CTIF: variants seen among roughly 807,000 people sequenced by gnomAD.
CTIF encodes the protein cap binding complex dependent translation initiation factor.
Under a neutral mutation model 66.0 loss-of-function variants are expected in CTIF, and 21 were observed. The ratio of observed to expected loss-of-function variants is 0.32; its 90% CI spans 0.23 to 0.46. The LOEUF is 0.46. Among genes scored for constraint, CTIF ranks in the 20% least tolerant of loss-of-function variants. The pLI is 1.00. For missense variants in CTIF, 739 were observed against 812.7 expected, an observed-to-expected ratio of 0.91 and a Z score of 1.10; for synonymous variants, 345 against 326.4, an observed-to-expected ratio of 1.06 and a Z score of -0.62.
intron 9 of CTIF, among the ~76,000 whole-genome samples, chr18:48,772,211 A>G (rs2046241): frequency 0.55 from 84,119 of 152,116 alleles, 23,476 homozygotes; most frequent in East Asian, 0.75. Context: ...TTATAGCAAG[A>G]AGAGAGCTAA....
intron 6 of CTIF, among the ~76,000 whole-genome samples, chr18:48,694,750 A>G (rs1317956455): frequency 1.3e-5 from 2 of 152,278 alleles, no homozygotes; most frequent in East Asian, 3.8e-4. Flanking sequence ...CACTATAGTC[A>G]GAGAGAATGG....
At chr18:48,799,390 TG>T (rs1269357555) in intron 9 of CTIF, among the ~76,000 whole-genome samples, 1 of 152,180 alleles carries the variant, frequency 6.6e-6, no homozygotes, top group Non-Finnish European at 1.5e-5. Flanking sequence ...GATGGATTTC[TG>T]GTCTTTCACT....
intron 6 of CTIF, among the ~76,000 whole-genome samples, chr18:48,686,546 T>A (rs2091843225): frequency 6.6e-6 from 1 of 152,150 alleles, no homozygotes; most frequent in South Asian, 2.1e-4. Flanking sequence ...GTTTTTTTAC[T>A]CTCTCCTCCC....
At chr18:48,674,867 C>T (rs1234826201) in intron 6 of CTIF, among the ~76,000 whole-genome samples, 2 of 152,292 alleles carry the variant, frequency 1.3e-5, no homozygotes, top group Non-Finnish European at 2.9e-5. Context: ...TTAACTGTCC[C>T]CAAGGTCTTC....
intron 1 of CTIF, among the ~76,000 whole-genome samples, chr18:48,612,924 GGGT>G (rs1167442356): frequency 1.3e-5 from 2 of 152,192 alleles, no homozygotes; most frequent in Non-Finnish European, 2.9e-5. Flanking sequence ...GGTGTCAGAA[GGGT>G]GTGCTGCTGG....
chr18:48,615,255 G>A lies in CTIF; in HGVS notation c.-28-4283G>A, dbSNP rs761031424. The stretch of plus-strand genomic sequence containing the variant: ...ATAAAAAATTGGGGGCCTAAGTGCC[G>A]GGCTGTACTTCCAGGCTGAGAGCTG... On this transcript the variant is annotated intron_variant, in intron 1 of 11. Coordinates refer to ENST00000256413, the MANE Select transcript of CTIF (RefSeq NM_014772.3). Among the ~76,000 whole-genome samples the A allele has an allele frequency of 8.5e-5, 13 of 152,284 alleles. No homozygotes were observed. The South Asian group carries it at 1.7e-3, about 19-fold the overall frequency.
intron 9 of CTIF, among the ~76,000 whole-genome samples, chr18:48,764,054 C>G (rs772568211): frequency 3.3e-5 from 5 of 152,040 alleles, no homozygotes; most frequent in Non-Finnish European, 7.4e-5. Flanking sequence ...CCCAGTACAC[C>G]CTGCATGGAC....
In CTIF at chr18:48,860,044, C is replaced by T. The variant is rs566664369; in HGVS notation, c.*485C>T. ...GCCGCAGTCGCCAACTGGCAGCAGGCGACGTGTAGCAGATGTCCGGGAGGA... is the reference window on the plus strand; with the variant it reads ...GCCGCAGTCGCCAACTGGCAGCAGGTGACGTGTAGCAGATGTCCGGGAGGA... On this transcript the variant is annotated 3_prime_UTR_variant, in exon 12 of 12. Coordinates refer to ENST00000256413, the MANE Select transcript of CTIF (RefSeq NM_014772.3). 7 of 429,764 alleles carry T rather than the reference C, an allele frequency of 1.6e-5. No homozygotes were observed. Among genetic ancestry groups the T allele is most frequent in the South Asian group, 5.0e-5 (3 of 60,338 alleles). 26.6% of individuals were successfully genotyped at this position (429,764 alleles called of 1,614,324 possible). A position where few individuals can be genotyped will look rare whatever the true frequency, so the allele number is the denominator to read the frequency against.
At chr18:48,738,088 C>T (rs2092519885) in intron 7 of CTIF, among the ~76,000 whole-genome samples, 3 of 152,192 alleles carry the variant, frequency 2.0e-5, no homozygotes, top group African/African-American at 7.2e-5. Flanking sequence ...TCTCAGACAA[C>T]ACAGCTTCAT....
At chr18:48,807,567 T>C (rs574473419) in intron 9 of CTIF, among the ~76,000 whole-genome samples, 1 of 102,840 alleles carries the variant, frequency 9.7e-6, no homozygotes, top group South Asian at 2.9e-4. Flanking sequence ...TTTCATAAAC[T>C]TTTTGTTGTT....
At chr18:48,608,975 G>A (rs997553198) in intron 1 of CTIF, among the ~76,000 whole-genome samples, 18 of 152,234 alleles carry the variant, frequency 1.2e-4, no homozygotes, top group African/African-American at 4.1e-4. Flanking sequence ...ACATTGCTGG[G>A]TTCAGAGCAG....
chr18:48,669,341 C>T (rs1266041390), intron 5 of CTIF, among the ~76,000 whole-genome samples: 11 of 152,136 alleles, frequency 7.2e-5, no homozygotes, highest in Admixed American at 7.2e-4. Flanking sequence ...ATTCCTCAGT[C>T]AATACCAGTA....
At chr18:48,700,709 G>A (rs539914653) in intron 6 of CTIF, among the ~76,000 whole-genome samples, 5 of 152,308 alleles carry the variant, frequency 3.3e-5, no homozygotes, top group African/African-American at 1.2e-4. Context: ...TCACTTCGAA[G>A]GGTGACCTCA....
intron 7 of CTIF, among the ~76,000 whole-genome samples, chr18:48,722,637 C>G (rs1017870472): frequency 2.0e-5 from 3 of 151,942 alleles, no homozygotes. Context: ...CATCGGCACT[C>G]ACAGGTGTAA....
At chr18:48,549,062 A>G (rs2145515451) in intron 1 of CTIF, among the ~76,000 whole-genome samples, 1 of 152,192 alleles carries the variant, frequency 6.6e-6, no homozygotes, top group Admixed American at 6.5e-5. Context: ...GTGAGGGCTT[A>G]TGGACACATG....
intron 10 of CTIF, among the ~76,000 whole-genome samples, chr18:48,833,941 C>G (rs1158824521): frequency 6.6e-6 from 1 of 152,224 alleles, no homozygotes; most frequent in Admixed American, 6.5e-5. Context: ...GAGCAGGACT[C>G]TCTCAGATTC....
chr18:48,845,571 CG>C (rs763526063), intron 10 of CTIF, among the ~76,000 whole-genome samples: 28 of 152,122 alleles, frequency 1.8e-4, no homozygotes, highest in East Asian at 1.3e-3. Context: ...GAGCCCCTGC[CG>C]TCTTCTCTTC....
intron 7 of CTIF, among the ~76,000 whole-genome samples, chr18:48,730,294 CCCCTGA>C: frequency 6.9e-6 from 1 of 145,964 alleles, no homozygotes; most frequent in Non-Finnish European, 1.5e-5. Flanking sequence ...GTGTGAGGGG[CCCCTGA>C]GGTGTGAGGG....
intron 9 of CTIF, among the ~76,000 whole-genome samples, chr18:48,783,921 C>A (rs766295544): frequency 2.0e-5 from 3 of 152,174 alleles, no homozygotes; most frequent in Admixed American, 6.5e-5. Flanking sequence ...TATGCTGTTA[C>A]CCACACGGGC....
Sources: allele counts gnomAD v4.1 joint callset (sites outside exome capture counted in the v4.1 genomes callset), GRCh38; gene constraint gnomAD v4.1.1; transcripts MANE v1.5; gene names NCBI Gene and HGNC (gene_info 2026-07-23, HGNC 2026-07-21).